Variants in RPS6KC1 observed in about 807,000 individuals in gnomAD.
The protein encoded by RPS6KC1 is ribosomal protein S6 kinase C1.
In RPS6KC1, 54 loss-of-function variants were observed where a neutral mutation model predicts 103.8. That is an observed-to-expected ratio of 0.52 (90% CI 0.42 to 0.65). The LOEUF (loss-of-function observed/expected upper bound fraction) is 0.65. RPS6KC1 is among the 30% of genes least tolerant of loss of function. The pLI is 0.00. For missense variants in RPS6KC1, 1,151 were observed against 1,253.8 expected, an observed-to-expected ratio of 0.92 and a Z score of 1.24; for synonymous variants, 439 against 438.7, an observed-to-expected ratio of 1.00 and a Z score of -0.01.
At chr1:213,854,930 C>T in the RPS6KC1 span, among the ~76,000 whole-genome samples, 11 of 152,192 alleles carry the variant, frequency 7.2e-5, no homozygotes, top group Admixed American at 7.2e-4. Context: ...TTAATTTTCT[C>T]ACAGTTCTGG....
chr1:213,460,531 CTCTT>C, the RPS6KC1 span, among the ~76,000 whole-genome samples: 2 of 151,372 alleles, frequency 1.3e-5, no homozygotes, highest in East Asian at 3.9e-4. Context: ...TGGGTCTTGA[CTCTT>C]TATCCAATTT....
At chr1:213,574,520 A>G in the RPS6KC1 span, among the ~76,000 whole-genome samples, 1 of 152,234 alleles carries the variant, frequency 6.6e-6, no homozygotes, top group Non-Finnish European at 1.5e-5. Flanking sequence ...AAAGATAAAT[A>G]TCTCTTTCCT....
the RPS6KC1 span, among the ~76,000 whole-genome samples, chr1:213,393,540 C>CT: frequency 6.6e-6 from 1 of 152,208 alleles, no homozygotes; most frequent in Non-Finnish European, 1.5e-5. Flanking sequence ...GACCAACTAT[C>CT]TTTTTTTGAC....
At chr1:213,152,881 A>G (rs927650592) in intron 6 of RPS6KC1, among the ~76,000 whole-genome samples, 30 of 152,358 alleles carry the variant, frequency 2.0e-4, no homozygotes, top group African/African-American at 6.3e-4. Context: ...TGGGAGGCCA[A>G]GGCAGGCGGC....
At chr1:213,401,567 GC>G in the RPS6KC1 span, among the ~76,000 whole-genome samples, 1 of 152,118 alleles carries the variant, frequency 6.6e-6, no homozygotes, top group Non-Finnish European at 1.5e-5. Flanking sequence ...GATGTCATGT[GC>G]CCCATCACAC....
the RPS6KC1 span, among the ~76,000 whole-genome samples, chr1:213,636,139 A>C: frequency 1.3e-5 from 2 of 152,218 alleles, no homozygotes; most frequent in Non-Finnish European, 2.9e-5. Context: ...AAATGGAAGA[A>C]CGTTCCATGC....
the RPS6KC1 span, among the ~76,000 whole-genome samples, chr1:213,779,440 G>A: frequency 2.4e-4 from 37 of 152,208 alleles, no homozygotes; most frequent in Admixed American, 8.5e-4. Flanking sequence ...ATCACATGTC[G>A]TATGACATTT....
chr1:213,720,446 A>G, the RPS6KC1 span, among the ~76,000 whole-genome samples: 1 of 152,250 alleles, frequency 6.6e-6, no homozygotes, highest in Admixed American at 6.5e-5. Flanking sequence ...AGAAAGAAGG[A>G]AGCAACTCAA....
intron 6 of RPS6KC1, among the ~76,000 whole-genome samples, chr1:213,145,967 G>GTTTTTTTTTTTTT (rs71573864): frequency 2.1e-5 from 1 of 47,804 alleles, no homozygotes; most frequent in African/African-American, 9.8e-5. Context: ...CATTCATTCT[G>GTTTTTTTTTTTTT]TTTTTTTTTT....
chr1:213,088,189 CT>C (rs923348719), intron 3 of RPS6KC1, among the ~76,000 whole-genome samples: 36 of 152,120 alleles, frequency 2.4e-4, no homozygotes, highest in African/African-American at 8.7e-4. Context: ...ACCTAGCAAA[CT>C]TTTTTTCCAT....
the RPS6KC1 span, among the ~76,000 whole-genome samples, chr1:213,516,861 C>T: frequency 6.6e-6 from 1 of 152,162 alleles, no homozygotes; most frequent in African/African-American, 2.4e-5. Flanking sequence ...TGGTCCTGGA[C>T]TCTTTTTCGT....
the RPS6KC1 span, among the ~76,000 whole-genome samples, chr1:213,343,510 A>T: frequency 2.0e-5 from 3 of 147,856 alleles, no homozygotes; most frequent in Non-Finnish European, 4.5e-5. Flanking sequence ...CCTGGATGGA[A>T]TTGGAGACTA....
chr1:213,231,767 A>AG (rs1249272965), intron 9 of RPS6KC1, among the ~76,000 whole-genome samples: 1 of 152,228 alleles, frequency 6.6e-6, no homozygotes, highest in Non-Finnish European at 1.5e-5. Flanking sequence ...TTGGTCTTAC[A>AG]ATGTCTACTG....
chr1:213,640,318 C>T, the RPS6KC1 span, among the ~76,000 whole-genome samples: 1 of 151,652 alleles, frequency 6.6e-6, no homozygotes, highest in Non-Finnish European at 1.5e-5. Flanking sequence ...TTCCTAGATG[C>T]TTATCCATTT....
intron 7 of RPS6KC1, among the ~76,000 whole-genome samples, chr1:213,175,196 C>T (rs1331263557): frequency 6.6e-6 from 1 of 152,136 alleles, no homozygotes; most frequent in Admixed American, 6.5e-5. Context: ...TCTGCTCTCC[C>T]TCACATTTTC....
chr1:213,601,923 C>CCCTCCCTT, the RPS6KC1 span, among the ~76,000 whole-genome samples: 1 of 135,558 alleles, frequency 7.4e-6, no homozygotes, highest in African/African-American at 2.7e-5. Context: ...TTCCCTCCCT[C>CCCTCCCTT]CCTCCCTTCC....
the RPS6KC1 span, among the ~76,000 whole-genome samples, chr1:213,578,906 T>C: frequency 2.6e-5 from 4 of 151,936 alleles, no homozygotes; most frequent in Non-Finnish European, 4.4e-5. Flanking sequence ...GCATGATTGG[T>C]TTTGATATGA....
chr1:213,416,077 C>T, the RPS6KC1 span, among the ~76,000 whole-genome samples: 24 of 152,178 alleles, frequency 1.6e-4, no homozygotes, highest in Non-Finnish European at 2.6e-4. Context: ...CTGTGTCACC[C>T]GGGGTGAGGG....
At chr1:213,270,640 TAAAG>T (rs1359892237) in intron 14 of RPS6KC1, among the ~76,000 whole-genome samples, 5 of 151,938 alleles carry the variant, frequency 3.3e-5, no homozygotes, top group African/African-American at 9.7e-5. Flanking sequence ...ATAAAAATTT[TAAAG>T]AAGGAAAATG....
Sources: gnomAD v4.1 joint callset for allele counts (sites outside exome capture counted in the v4.1 genomes callset) on GRCh38, gnomAD v4.1.1 for gene constraint, MANE v1.5 for transcripts, NCBI Gene and HGNC (gene_info 2026-07-23, HGNC 2026-07-21) for gene names.